The following PRKDC variants were observed in gnomAD, a reference collection of about 807,000 sequenced individuals.
PRKDC encodes the protein protein kinase, DNA-activated, catalytic subunit, also known as DNA-dependent protein kinase catalytic subunit.
In PRKDC, 82 loss-of-function variants were observed where a neutral mutation model predicts 486.9. The ratio of observed to expected loss-of-function variants is 0.17; its 90% CI spans 0.14 to 0.20. PRKDC has a LOEUF of 0.20. Among genes scored for constraint, PRKDC ranks in the 10% least tolerant of loss-of-function variants. The pLI is 1.00. For missense variants in PRKDC, 4,504 were observed against 5,038.2 expected, an observed-to-expected ratio of 0.89 and a Z score of 3.21; for synonymous variants, 1,895 against 1,837.0, an observed-to-expected ratio of 1.03 and a Z score of -0.81.
intron 30 of PRKDC, among the ~76,000 whole-genome samples, chr8:47,894,635 C>T (rs989305829): frequency 2.6e-5 from 4 of 152,090 alleles, no homozygotes; most frequent in East Asian, 1.9e-4. Flanking sequence ...ATTCAGAAGC[C>T]GCCAGGAGCT....
At chr8:47,793,637 T>A (rs367640595) in intron 74 of PRKDC, among the ~76,000 whole-genome samples, 311 of 23,940 alleles carry the variant, frequency 0.013, 1 homozygote, top group African/African-American at 0.024. Context: ...AAAAAAAAAA[T>A]AAAAAATAAA....
intron 73 of PRKDC, among the ~76,000 whole-genome samples, chr8:47,794,817 G>C (rs548030382): frequency 6.6e-6 from 1 of 152,272 alleles, no homozygotes; most frequent in East Asian, 1.9e-4. Flanking sequence ...GTTGTTTACT[G>C]CTCTATAATG....
chr8:47,893,311 C>A lies in PRKDC; in HGVS notation c.3675G>T (p.Glu1225Asp), dbSNP rs763655576. Residue 1225 changes from glutamate to aspartate, a missense_variant, in exon 31 of 86, where the codon GAG (glutamate) becomes GAT (aspartate). Physicochemically the swap from Glu to Asp is conservative, Grantham distance 45. Transcript: ENST00000314191. Reference sequence around the variant, plus strand: ...CCGAGGGCTGGCCACAGCCACCCCCCTCAAAGGTGTTGATGAGAAAAGAGA... The same window carrying A: ...CCGAGGGCTGGCCACAGCCACCCCCATCAAAGGTGTTGATGAGAAAAGAGA... ...EGVSFLINTF[E>D]GGGCGQPSGI... The A allele has an allele frequency of 6.2e-6, 10 of 1,604,080 alleles. No homozygotes were observed. The highest frequency in any genetic ancestry group is 4.5e-5 in the East Asian group (2 of 44,586).
chr8:47,957,314 AG>A lies in PRKDC; in HGVS notation c.231+40del. On this transcript the variant is annotated intron_variant, in intron 2 of 85. Transcript: ENST00000314191. ...AAATATGGGTAAGAGGAGTCACTCC[AG>A]GAATATACAAGAAAAGCAAAACCAA... is the stretch of plus-strand genomic sequence containing the variant. 3 of 1,583,558 alleles carry A rather than the reference AG, an allele frequency of 1.9e-6. No individual in the cohort carries two copies. In the South Asian group the frequency reaches 3.4e-5, roughly 18 times the overall value.
rs1192912528 is a variant in PRKDC, at chr8:47,959,958, C to G, written c.154+15G>C. 2.6e-6 allele frequency: 4 copies of G among 1,534,034 alleles called. No individual in the cohort carries two copies. Among genetic ancestry groups the G allele is most frequent in the South Asian group, 1.2e-5 (1 of 83,936 alleles). ...GCCAGGACCCACCCGCGGCCCAGCT[C>G]GGGCCGGTACCCACCCAGCACCGCG... is the stretch of plus-strand genomic sequence containing the variant. On this transcript the variant is annotated intron_variant, in intron 1 of 85. Transcript: ENST00000314191.
chr8:47,789,594 C>T (rs1271832208), intron 74 of PRKDC, among the ~76,000 whole-genome samples: 2 of 151,950 alleles, frequency 1.3e-5, no homozygotes, highest in African/African-American at 4.8e-5. Context: ...CAGGTAAAGA[C>T]GTATCAAATA....
At chr8:47,860,306 T>C (rs1158199588) in intron 45 of PRKDC, among the ~76,000 whole-genome samples, 1 of 152,160 alleles carries the variant, frequency 6.6e-6, no homozygotes, top group African/African-American at 2.4e-5. Context: ...CAAAATGTCA[T>C]GAGGTATGCT....
At chr8:47,958,081 CAG>C (rs1160298242) in intron 1 of PRKDC, among the ~76,000 whole-genome samples, 2 of 152,092 alleles carry the variant, frequency 1.3e-5, no homozygotes, top group Non-Finnish European at 2.9e-5. Context: ...CTGGATTATC[CAG>C]AGAGCCCAAT....
At chr8:47,910,445 C>A (rs2089877799) in intron 25 of PRKDC, among the ~76,000 whole-genome samples, 1 of 152,126 alleles carries the variant, frequency 6.6e-6, no homozygotes, top group African/African-American at 2.4e-5. Flanking sequence ...CTTAAATAAC[C>A]CCCTACCATA....
At position 47,954,280 on chromosome 8, in the gene PRKDC, T is replaced by C. The variant is rs2090669312; in HGVS notation, c.508+58A>G. ...AGAGAAAACCTAAGTCTTATGCTAA[T>C]AATTTGTTAATATTAATTTGCTAAA... On this transcript the variant is annotated intron_variant, in intron 5 of 85. Transcript: ENST00000314191. The C allele has an allele frequency of 8.1e-6, 6 of 739,030 alleles. No homozygotes were observed. The Admixed American group carries it at 1.8e-4, about 23-fold the overall frequency. The allele number at this position is 739,030 out of a possible 1,614,324, so 45.8% of individuals were successfully genotyped here.
chr8:47,904,940 G>A lies in PRKDC; in HGVS notation c.2971C>T (p.Leu991=), dbSNP rs1238519477. The A allele has an allele frequency of 1.2e-6, 2 of 1,613,704 alleles. No homozygotes were observed. The highest frequency in any genetic ancestry group is 3.3e-5 in the Admixed American group (2 of 60,006). ...TTGTTGTTAGTGAACCAGTGAATCA[G>A]CTGCATAACTAGTGGCTCATACAGT... ...RQLYEPLVMQ[L]IHWFTNNKKF... The change falls in exon 26 of 86, where the codon CTG becomes TTG. Residue 991 remains leucine, a synonymous_variant. Coordinates refer to ENST00000314191, the MANE Select transcript of PRKDC (RefSeq NM_006904.7).
At chr8:47,916,319 G>T (rs947467564) in intron 22 of PRKDC, among the ~76,000 whole-genome samples, 1 of 151,928 alleles carries the variant, frequency 6.6e-6, no homozygotes, top group African/African-American at 2.4e-5. Flanking sequence ...GTGGTGGCAC[G>T]CACCTGTAAT....
intron 74 of PRKDC, among the ~76,000 whole-genome samples, chr8:47,791,396 A>C (rs2086880435): frequency 6.6e-6 from 1 of 151,966 alleles, no homozygotes; most frequent in Non-Finnish European, 1.5e-5. Context: ...AATCGCTTGA[A>C]CCCGGGAGGC....
At chr8:47,928,482 C>G (rs1467300453) in intron 19 of PRKDC, among the ~76,000 whole-genome samples, 1 of 152,110 alleles carries the variant, frequency 6.6e-6, no homozygotes, top group Admixed American at 6.5e-5. Flanking sequence ...ATAACTTCCT[C>G]TAATTAGTTT....
In PRKDC at chr8:47,783,318, G is replaced by A. The variant is rs1048311557; in HGVS notation, c.11175+424C>T. Among the ~76,000 whole-genome samples, 8 of 149,238 alleles carry A rather than the reference G, an allele frequency of 5.4e-5. No homozygotes were observed. The South Asian group carries it at 1.5e-3, about 28-fold the overall frequency. On this transcript the variant is annotated intron_variant, in intron 78 of 85. Transcript: ENST00000314191. ...AAAAAAAAAAAAAAGCCCGGGCATA[G>A]TGGCTCACACCTGTAATCCCAGCAC...
chr8:47,832,811 G>A (rs1227876157), intron 59 of PRKDC, among the ~76,000 whole-genome samples: 2 of 152,216 alleles, frequency 1.3e-5, no homozygotes, highest in Non-Finnish European at 2.9e-5. Flanking sequence ...CATATGCCCA[G>A]AAAAACAGAC....
intron 75 of PRKDC, 43 bp downstream of exon 75, chr8:47,789,108 C>G (rs1589696456): frequency 6.2e-7 from 1 of 1,611,742 alleles, no homozygotes; most frequent in Non-Finnish European, 8.5e-7. Context: ...TAAGTTTTAC[C>G]CAACTTATAT....
chr8:47,820,590 TTGA>T, intron 66 of PRKDC, 126 bp downstream of exon 66: 1 of 542,364 alleles, frequency 1.8e-6, no homozygotes, highest in Non-Finnish European at 2.7e-6. Flanking sequence ...AAAATTTTTG[TTGA>T]TTTTTTTCAT....
At chr8:47,910,611 T>A (rs1274964900) in intron 25 of PRKDC, among the ~76,000 whole-genome samples, 1 of 152,244 alleles carries the variant, frequency 6.6e-6, no homozygotes, top group Non-Finnish European at 1.5e-5. Context: ...TTTCAAAATG[T>A]GTCTTGCTTA....
Sources: allele counts gnomAD v4.1 joint callset (sites outside exome capture counted in the v4.1 genomes callset), GRCh38; gene constraint gnomAD v4.1.1; transcripts MANE v1.5; gene names NCBI Gene and HGNC (gene_info 2026-07-23, HGNC 2026-07-21).